The following SVIL variants were observed in gnomAD, a reference collection of about 807,000 sequenced individuals.
SVIL encodes supervillin, also known as archvillin.
Under a neutral mutation model 240.4 loss-of-function variants are expected in SVIL, and 101 were observed. The ratio of observed to expected loss-of-function variants is 0.42; its 90% CI spans 0.36 to 0.50. The LOEUF is 0.50. Among genes scored for constraint, SVIL ranks in the 20% least tolerant of loss-of-function variants. SVIL has a pLI of 0.01. For synonymous variants in SVIL, 999 were observed against 1,100.0 expected (o/e 0.91, Z 1.82); for missense variants, 2,512 against 2,818.7 (o/e 0.89, Z 2.46).
intron 20 of SVIL, among the ~76,000 whole-genome samples, chr10:29,493,797 G>A (rs1360514872): frequency 6.6e-6 from 1 of 152,116 alleles, no homozygotes; most frequent in African/African-American, 2.4e-5. Flanking sequence ...CCTGTGTTGC[G>A]ACAACTCAGT....
At chr10:29,586,502 G>C (rs1338695812) in intron 1 of SVIL, among the ~76,000 whole-genome samples, 1 of 152,046 alleles carries the variant, frequency 6.6e-6, no homozygotes, top group African/African-American at 2.4e-5. Flanking sequence ...TGTGGCAGCC[G>C]TGGAACGCAG....
intron 1 of SVIL, among the ~76,000 whole-genome samples, chr10:29,702,423 G>A (rs983512202): frequency 1.3e-5 from 2 of 152,072 alleles, no homozygotes; most frequent in South Asian, 4.1e-4. Flanking sequence ...TGGGTTCTGC[G>A]TGAGATTAAC....
chr10:29,642,415 G>C (rs1027680832), intron 3 of SVIL, among the ~76,000 whole-genome samples: 4 of 134,350 alleles, frequency 3.0e-5, no homozygotes, highest in African/African-American at 1.1e-4. Context: ...AAGAGAGAGA[G>C]TGAGAAAGAA....
intron 1 of SVIL, among the ~76,000 whole-genome samples, chr10:29,702,199 T>TAAAAAAAAAAAAAAA (rs1962569705): frequency 4.1e-5 from 4 of 98,496 alleles, no homozygotes; most frequent in Non-Finnish European, 2.2e-5. Context: ...AAAAAAAAAG[T>TAAAAAAAAAAAAAAA]AAAGAGCTTT....
chr10:29,632,213 G>A (rs374615680), intron 1 of SVIL, among the ~76,000 whole-genome samples: 9 of 152,132 alleles, frequency 5.9e-5, no homozygotes, highest in Admixed American at 5.2e-4. Flanking sequence ...TAACTCGCCG[G>A]GTGTGGTGGC....
chr10:29,568,028 C>CAAA (rs750834742), intron 2 of SVIL, among the ~76,000 whole-genome samples: 1 of 116,172 alleles, frequency 8.6e-6, no homozygotes, highest in Non-Finnish European at 1.9e-5. Context: ...AAAAAAAAAA[C>CAAA]AAAAAAAAAA....
At chr10:29,506,745 C>CTTAGAGGGAGGGGA (rs1949357799) in intron 17 of SVIL, among the ~76,000 whole-genome samples, 1 of 145,720 alleles carries the variant, frequency 6.9e-6, no homozygotes, top group Non-Finnish European at 1.5e-5. Flanking sequence ...GGACAGAGGC[C>CTTAGAGGGAGGGGA]CTAGAGGGAG....
intron 18 of SVIL, among the ~76,000 whole-genome samples, chr10:29,498,600 T>C (rs953476925): frequency 4.6e-5 from 7 of 152,162 alleles, no homozygotes; most frequent in Admixed American, 3.9e-4. Flanking sequence ...TTAAAGAAGA[T>C]ACTATTTATG....
intron 1 of SVIL, among the ~76,000 whole-genome samples, chr10:29,734,843 T>G (rs1015043902): frequency 6.6e-6 from 1 of 152,102 alleles, no homozygotes; most frequent in Non-Finnish European, 1.5e-5. Context: ...GTGCTAGGGT[T>G]TGCACAGGCA....
At chr10:29,671,392 G>A (rs1209634974) in intron 2 of SVIL, among the ~76,000 whole-genome samples, 1 of 152,182 alleles carries the variant, frequency 6.6e-6, no homozygotes, top group Non-Finnish European at 1.5e-5. Flanking sequence ...CATCTCTTAG[G>A]ATATGCTTTG....
intron 1 of SVIL, among the ~76,000 whole-genome samples, chr10:29,691,307 G>T (rs1564766711): frequency 6.6e-6 from 1 of 151,764 alleles, no homozygotes; most frequent in Non-Finnish European, 1.5e-5. Flanking sequence ...CACCTCCCAG[G>T]TTCACGCCAT....
chr10:29,634,479 C>T lies in SVIL; in HGVS notation c.-260G>A, dbSNP rs1450992476. The T allele has an allele frequency of 6.6e-6, 1 of 152,188 alleles. No homozygotes were observed. The allele number at this position is 152,188 out of a possible 1,614,324, so 9.4% of individuals were successfully genotyped here. On this transcript the variant is annotated 5_prime_UTR_variant, in exon 1 of 38. Coordinates refer to ENST00000355867, the MANE Select transcript of SVIL (RefSeq NM_021738.3). Reference sequence around the variant, plus strand: ...TAAAGGGGGAAAGAAAATCACACTGCAATTCCTTATTTTTCTAATTTAAAA... The same window carrying T: ...TAAAGGGGGAAAGAAAATCACACTGTAATTCCTTATTTTTCTAATTTAAAA...
rs1471149943 is a variant in SVIL at position 29,532,511 on chromosome 10, GT to G, written c.1838+17del. Reference sequence around the variant, plus strand: ...CGTGCAAGTGACACAGCTGGAGGGCGTGTGAAGCATCACCTACAGTTCAGGT... The same window carrying G: ...CGTGCAAGTGACACAGCTGGAGGGCGGTGAAGCATCACCTACAGTTCAGGT... On this transcript the variant is annotated intron_variant, in intron 8 of 37. Coordinates refer to ENST00000355867, the MANE Select transcript of SVIL (RefSeq NM_021738.3). 1 of 1,591,716 alleles carries G rather than the reference GT, an allele frequency of 6.3e-7. No homozygotes were observed. Among genetic ancestry groups the G allele is most frequent in the African/African-American group, 1.3e-5 (1 of 74,392 alleles).
chr10:29,495,821 G>A (rs1208809338), intron 18 of SVIL, among the ~76,000 whole-genome samples: 1 of 152,144 alleles, frequency 6.6e-6, no homozygotes, highest in East Asian at 1.9e-4. Context: ...AGTGGTGAGA[G>A]ACACATGAAA....
At chr10:29,691,583 T>C (rs1961514809) in intron 1 of SVIL, among the ~76,000 whole-genome samples, 1 of 152,216 alleles carries the variant, frequency 6.6e-6, no homozygotes, top group Non-Finnish European at 1.5e-5. Flanking sequence ...TAATAAATAA[T>C]TTATGATTTA....
chr10:29,684,420 G>A (rs968662998), intron 2 of SVIL, among the ~76,000 whole-genome samples: 6 of 152,070 alleles, frequency 3.9e-5, no homozygotes, highest in Admixed American at 2.6e-4. Context: ...ACACTGGTTC[G>A]ATCCAGAAAG....
At chr10:29,504,371 G>A (rs563227427) in intron 17 of SVIL, among the ~76,000 whole-genome samples, 40 of 152,242 alleles carry the variant, frequency 2.6e-4, no homozygotes, top group African/African-American at 9.6e-4. Context: ...AAAGACTTCT[G>A]TAAAAGACAC....
chr10:29,531,255 A>T lies in SVIL; in HGVS notation c.2043T>A (p.Asp681Glu). ...AAAAAAAGGGAAACAGGTACTTGCCATCGACAGTTGGCGTTTCTGAATGTG... is the reference window on the plus strand; with the variant it reads ...AAAAAAAGGGAAACAGGTACTTGCCTTCGACAGTTGGCGTTTCTGAATGTG... ...CTSHSETPTV[D>E]DEEKVDERAK... is the part of the protein sequence containing the mutation. The change falls in exon 10 of 38, where the codon GAT (aspartate) becomes GAA (glutamate). Residue 681 changes from aspartate (D) to glutamate (E), a missense_variant and splice_region_variant. Around this residue, in one of 3 missense-constraint regions of SVIL, gnomAD observed 1,443 missense variants for 1,486.6 expected, o/e 0.97. Transcript: ENST00000355867. 1 of 1,614,024 alleles carries T rather than the reference A, an allele frequency of 6.2e-7. No individual in the cohort carries two copies. The highest frequency in any genetic ancestry group is 8.5e-7 in the Non-Finnish European group (1 of 1,179,982).
rs1450003973 is a variant in SVIL, at chr10:29,724,010, TG to T, written c.-400+11740del. 2.0e-5 allele frequency among the ~76,000 whole-genome samples: 3 copies of T among 152,102 alleles called. No individual in the cohort carries two copies. The East Asian group carries it at 5.8e-4, about 29-fold the overall frequency. On this transcript the variant is annotated intron_variant, in intron 1 of 35. Coordinates refer to the SVIL transcript ENST00000375400. ...AGAAGACATTGTGTTTAGAGAGACT[TG>T]GGTATGGGGCAAGGGAAGTATGAAC...
Sources: gnomAD v4.1 joint callset for allele counts (sites outside exome capture counted in the v4.1 genomes callset) on GRCh38, gnomAD v4.1.1 for gene constraint, gnomAD v4.1.1 regional missense constraint, MANE v1.5 for transcripts, NCBI Gene and HGNC (gene_info 2026-07-23, HGNC 2026-07-21) for gene names.